CDK7: variants seen among roughly 807,000 people sequenced by gnomAD.
CDK7 encodes cyclin-dependent kinase 7.
A neutral mutation model predicts 49.1 loss-of-function variants in CDK7; 25 were observed. The observed-to-expected ratio is 0.51, with a 90% CI of 0.37 to 0.71. CDK7 has a LOEUF of 0.71. Ranked by LOEUF, CDK7 falls within the 30% of genes least tolerant of loss-of-function variation. The probability of loss-of-function intolerance (pLI) is 0.00; values close to 1 mark genes in which losing one functional copy is unlikely to be tolerated. For missense variants in CDK7, 316 were observed against 411.7 expected (o/e 0.77, Z 2.01); for synonymous variants, 107 against 140.0 (o/e 0.76, Z 1.67).
chr5:69,236,052 C>T (rs1424153554), intron 2 of CDK7, among the ~76,000 whole-genome samples: 1 of 152,068 alleles, frequency 6.6e-6, no homozygotes, highest in African/African-American at 2.4e-5. Flanking sequence ...ACCATCCTGG[C>T]CAACATGGTG....
chr5:69,262,051 A>G (rs1262391810), intron 7 of CDK7, among the ~76,000 whole-genome samples, 154 bp from the exon 8 acceptor site: 2 of 152,222 alleles, frequency 1.3e-5, no homozygotes, highest in Admixed American at 6.5e-5. Flanking sequence ...CAAGAGTATT[A>G]TATTTAAAAC....
Position 69,252,412 on chromosome 5 carries a change from T to A in CDK7, c.127-6T>A. 1 of 1,547,088 alleles carries A rather than the reference T, an allele frequency of 6.5e-7. No homozygotes were observed. Among genetic ancestry groups the A allele is most frequent in the Non-Finnish European group, 8.8e-7 (1 of 1,136,110 alleles). On this transcript the variant is annotated splice_polypyrimidine_tract_variant and splice_region_variant and intron_variant, in intron 2 of 11. Coordinates refer to ENST00000256443, the MANE Select transcript of CDK7 (RefSeq NM_001799.4). ...ATATATTTGGGTTTTTTTCCGTTTC[T>A]ACCAGATCAAACTTGGACATAGATC...
intron 7 of CDK7, among the ~76,000 whole-genome samples, chr5:69,261,518 G>GTGTGTA (rs775166694): frequency 3.5e-5 from 5 of 144,222 alleles, no homozygotes; most frequent in African/African-American, 7.4e-5. Context: ...GTGTGTGTGT[G>GTGTGTA]TGTGTGTATG....
At chr5:69,262,397 G>A in intron 8 of CDK7, 93 bp downstream of exon 8, 1 of 1,543,208 alleles carries the variant, frequency 6.5e-7, no homozygotes. Flanking sequence ...GGCCAGGCAT[G>A]GTGGCTCACG....
Position 69,259,866 on chromosome 5 carries a change from C to T in CDK7, c.457C>T (p.Leu153=), listed in dbSNP as rs777341807. 17 of 1,613,968 alleles carry T rather than the reference C, an allele frequency of 1.1e-5. No homozygotes were observed. The highest frequency in any genetic ancestry group is 1.4e-5 in the Non-Finnish European group (16 of 1,179,986). Residue 153 remains leucine, a synonymous_variant, in exon 7 of 12, where the codon CTG becomes TTG. Transcript: ENST00000256443. Reference sequence around the variant, plus strand: ...GCTAGATGAAAATGGAGTTCTAAAACTGGCAGATTTTGGCCTGGCCAAATC... The same window carrying T: ...GCTAGATGAAAATGGAGTTCTAAAATTGGCAGATTTTGGCCTGGCCAAATC... The part of the protein sequence containing the change: ...LLLDENGVLK[L]ADFGLAKSFG...
intron 8 of CDK7, among the ~76,000 whole-genome samples, chr5:69,267,230 C>T (rs1751214879): frequency 6.6e-6 from 1 of 151,096 alleles, no homozygotes; most frequent in South Asian, 2.1e-4. Context: ...GATATTTTTG[C>T]CACAAATTCC....
intron 3 of CDK7, 103 bp downstream of exon 3, chr5:69,252,554 G>T (rs775039712): frequency 5.7e-6 from 4 of 700,586 alleles, no homozygotes; most frequent in Non-Finnish European, 9.3e-6. Context: ...CTGTCACCCA[G>T]GCTGGAGTAC....
chr5:69,237,766 C>T (rs949509221), intron 2 of CDK7, among the ~76,000 whole-genome samples: 2 of 152,156 alleles, frequency 1.3e-5, no homozygotes. Flanking sequence ...GCCTGGTCAA[C>T]ATGGCGAAAC....
chr5:69,249,076 C>CT (rs1306387215), intron 2 of CDK7, among the ~76,000 whole-genome samples: 1 of 151,940 alleles, frequency 6.6e-6, no homozygotes, highest in East Asian at 1.9e-4. Context: ...CTCTCTCTCT[C>CT]TACCTCCTTT....
intron 2 of CDK7, among the ~76,000 whole-genome samples, chr5:69,238,004 C>T (rs1237757273): frequency 6.6e-6 from 1 of 152,090 alleles, no homozygotes; most frequent in Admixed American, 6.6e-5. Context: ...TATTCCAACA[C>T]TCATAATTTC....
At chr5:69,235,316 C>A in intron 1 of CDK7, 78 bp from the exon 2 acceptor site, 1 of 1,130,550 alleles carries the variant, frequency 8.8e-7, no homozygotes, top group Non-Finnish European at 1.3e-6. Context: ...GGGCTCTTTG[C>A]TTCGCGAAAT....
chr5:69,273,729 C>G (rs1751809731), intron 10 of CDK7, among the ~76,000 whole-genome samples: 1 of 152,120 alleles, frequency 6.6e-6, no homozygotes, highest in African/African-American at 2.4e-5. Flanking sequence ...GATCACAGGT[C>G]TTTATGGAAA....
chr5:69,259,075 C>CA (rs1281310184), intron 6 of CDK7, among the ~76,000 whole-genome samples: 1,470 of 113,288 alleles, frequency 0.013, 10 homozygotes, highest in African/African-American at 0.04. Context: ...AACCCTGTCT[C>CA]AAAAAAAAAA....
chr5:69,258,666 G>T (rs1750638306), intron 6 of CDK7, among the ~76,000 whole-genome samples: 1 of 152,156 alleles, frequency 6.6e-6, no homozygotes, highest in African/African-American at 2.4e-5. Context: ...ACAGGCGTGA[G>T]CCATTGCGCC....
At chr5:69,242,526 T>C (rs1749462156) in intron 2 of CDK7, among the ~76,000 whole-genome samples, 1 of 152,170 alleles carries the variant, frequency 6.6e-6, no homozygotes, top group Non-Finnish European at 1.5e-5. Flanking sequence ...TAGGAGCAAT[T>C]GTGGAGGTTG....
chr5:69,275,435 ATT>A lies in CDK7; in HGVS notation c.865-1105_865-1104del, dbSNP rs1752017782. ...GTTCTTTTTAAGTTTCTCTCTTTGC[ATT>A]TTGAACTGTAGAGTTCAATATGTAG... On this transcript the variant is annotated intron_variant, in intron 10 of 11. Coordinates refer to ENST00000256443, the MANE Select transcript of CDK7 (RefSeq NM_001799.4). 3.3e-5 allele frequency among the ~76,000 whole-genome samples: 5 copies of A among 152,272 alleles called. No individual in the cohort carries two copies. In the South Asian group the frequency reaches 1.0e-3, roughly 32 times the overall value.
chr5:69,246,608 C>G (rs1336145677), intron 2 of CDK7, among the ~76,000 whole-genome samples: 1 of 151,342 alleles, frequency 6.6e-6, no homozygotes, highest in Non-Finnish European at 1.5e-5. Flanking sequence ...TTTATTTCTG[C>G]TCTGATTTTT....
chr5:69,274,726 C>G (rs905724632), intron 10 of CDK7, among the ~76,000 whole-genome samples: 1 of 152,064 alleles, frequency 6.6e-6, no homozygotes, highest in Non-Finnish European at 1.5e-5. Context: ...AGCGATTCTC[C>G]TGTCTCAGCC....
At chr5:69,242,383 G>T (rs952345185) in intron 2 of CDK7, among the ~76,000 whole-genome samples, 33 of 152,156 alleles carry the variant, frequency 2.2e-4, no homozygotes, top group Admixed American at 1.3e-4. Context: ...CTAAGTAGTG[G>T]TCACAGAACC....
Sources: gnomAD v4.1 joint callset for allele counts (sites outside exome capture counted in the v4.1 genomes callset) on GRCh38, gnomAD v4.1.1 for gene constraint, MANE v1.5 for transcripts, NCBI Gene and HGNC (gene_info 2026-07-23, HGNC 2026-07-21) for gene names.